The following AGAP1 variants were observed in gnomAD, a reference collection of about 807,000 sequenced individuals.
AGAP1 encodes the protein arf-GAP with GTPase, ANK repeat and PH domain-containing protein 1.
AGAP1 carries 29 observed loss-of-function variants against 105.3 expected under a neutral mutation model. The observed-to-expected ratio is 0.28, with a 90% CI of 0.21 to 0.38. The LOEUF (loss-of-function observed/expected upper bound fraction) is 0.38. AGAP1 is among the 10% of genes least tolerant of loss of function. The pLI, the probability that AGAP1 is intolerant of heterozygous loss-of-function variation, is 1.00. For synonymous variants in AGAP1, 509 were observed against 485.9 expected (o/e 1.05, Z -0.63); for missense variants, 998 against 1,165.1 (o/e 0.86, Z 2.09).
chr2:236,108,822 T>A (rs535328898), intron 16 of AGAP1, among the ~76,000 whole-genome samples: 5 of 151,962 alleles, frequency 3.3e-5, no homozygotes, highest in African/African-American at 1.2e-4. Context: ...CTGTGAGGAC[T>A]GAGGTGGACG....
In AGAP1 at chr2:236,123,675, A is replaced by G. The variant is rs76042521; in HGVS notation, c.2371-244A>G. 1.3e-5 allele frequency among the ~76,000 whole-genome samples: 2 copies of G among 152,112 alleles called. No homozygotes were observed. Among genetic ancestry groups the G allele is most frequent in the African/African-American group, 2.4e-5 (1 of 41,430 alleles). ...AAACTAAAGTTATCTTTGATTCCTT[A>G]ATGTTGCACAAAGGAGGGGCTTTCA... On this transcript the variant is annotated intron_variant, in intron 17 of 17. Transcript: ENST00000304032. The surrounding 1 kb of genome is among the most constrained non-coding windows in gnomAD (Gnocchi z 4.6).
chr2:235,670,692 C>A (rs1948355450), intron 1 of AGAP1: 3 of 715,674 alleles, frequency 4.2e-6, no homozygotes, highest in African/African-American at 1.9e-5. Flanking sequence ...CTGGAGCCCG[C>A]GACCGCCACG....
At chr2:235,835,567 A>T (rs971272415) in intron 9 of AGAP1, among the ~76,000 whole-genome samples, 1 of 152,174 alleles carries the variant, frequency 6.6e-6, no homozygotes, top group African/African-American at 2.4e-5. Flanking sequence ...CACTTTGTCC[A>T]TTACTTTGTT....
In AGAP1 at chr2:236,098,620, CTT is replaced by C. The variant is rs34419216; in HGVS notation, c.2115-21554_2115-21553del. The stretch of plus-strand genomic sequence containing the variant: ...GCTGACTTGATGAAATCTTTTTTTC[CTT>C]TTTTTTTTTTTTTTTTTAGAGAAAC... On this transcript the variant is annotated intron_variant, in intron 16 of 17. Coordinates refer to ENST00000304032, the MANE Select transcript of AGAP1 (RefSeq NM_001037131.3). 5.7e-3 allele frequency among the ~76,000 whole-genome samples: 656 copies of C among 115,220 alleles called. 6 individuals carry two copies. The highest frequency in any genetic ancestry group is 0.031 in the South Asian group (113 of 3,636). 75.6% of individuals were successfully genotyped at this position (115,220 alleles called of 152,430 possible).
intron 11 of AGAP1, among the ~76,000 whole-genome samples, chr2:235,912,565 C>G (rs940066351): frequency 1.3e-5 from 2 of 152,094 alleles, no homozygotes; most frequent in African/African-American, 4.8e-5. Context: ...CCTTCTCTTC[C>G]CGTAACTTGC....
intron 12 of AGAP1, among the ~76,000 whole-genome samples, chr2:235,941,456 A>G (rs2053254364): frequency 6.6e-6 from 1 of 152,232 alleles, no homozygotes; most frequent in Non-Finnish European, 1.5e-5. Context: ...TAGGTACAAA[A>G]GAAGAATCGA....
At chr2:236,054,205 C>T (rs1221648755) in intron 16 of AGAP1, among the ~76,000 whole-genome samples, 1 of 152,130 alleles carries the variant, frequency 6.6e-6, no homozygotes, top group Non-Finnish European at 1.5e-5. Flanking sequence ...AATTGGATCC[C>T]TACAGCTAAC....
At chr2:235,796,836 C>T (rs905495102) in intron 6 of AGAP1, among the ~76,000 whole-genome samples, 2 of 152,188 alleles carry the variant, frequency 1.3e-5, no homozygotes, top group Admixed American at 6.5e-5. Flanking sequence ...TCCCCAAAGA[C>T]ACACATCTAT....
chr2:235,919,576 G>A lies in AGAP1; in HGVS notation c.1324+10670G>A, dbSNP rs983880661. On this transcript the variant is annotated intron_variant, in intron 11 of 17. Coordinates refer to ENST00000304032, the MANE Select transcript of AGAP1 (RefSeq NM_001037131.3). The surrounding 1 kb of genome is among the most constrained non-coding windows in gnomAD (Gnocchi z 4.1). ...TAAGAACTGGAAAGCAGAGAAAGAAGTAGTAGTGAATACTTCTCAGGATAG... is the reference window on the plus strand; with the variant it reads ...TAAGAACTGGAAAGCAGAGAAAGAAATAGTAGTGAATACTTCTCAGGATAG... Among the ~76,000 whole-genome samples, 13 of 152,298 alleles carry A rather than the reference G, an allele frequency of 8.5e-5. No individual in the cohort carries two copies. The East Asian group carries it at 2.5e-3, about 29-fold the overall frequency.
At chr2:235,808,742 C>T (rs542761599) in intron 9 of AGAP1, among the ~76,000 whole-genome samples, 113 of 152,276 alleles carry the variant, frequency 7.4e-4, no homozygotes, top group African/African-American at 2.6e-3. Flanking sequence ...TCTACTGGGC[C>T]GCAAATATAT....
intron 11 of AGAP1, among the ~76,000 whole-genome samples, chr2:235,923,332 C>T (rs1575789105): frequency 6.6e-6 from 1 of 152,156 alleles, no homozygotes; most frequent in African/African-American, 2.4e-5. Flanking sequence ...CCTGACCTGA[C>T]CTCTGCATTC....
Position 236,120,548 on chromosome 2 carries a change from C to T in AGAP1, c.2370+101C>T, listed in dbSNP as rs1035695046. On this transcript the variant is annotated intron_variant, in intron 17 of 17. Transcript: ENST00000304032. The surrounding 1 kb of genome is among the most constrained non-coding windows in gnomAD (Gnocchi z 6.0). ...CTTTCTGGCAGAAGGCTGTTGTTCTCGATCTGCAAGTGGAAACAGTTCCTA... is the reference window on the plus strand; with the variant it reads ...CTTTCTGGCAGAAGGCTGTTGTTCTTGATCTGCAAGTGGAAACAGTTCCTA... The T allele has an allele frequency of 1.7e-5, 27 of 1,549,472 alleles. No individual in the cohort carries two copies. The highest frequency in any genetic ancestry group is 7.8e-5 in the Admixed American group (4 of 51,590).
At chr2:235,606,239 C>T (rs1025529678) in intron 1 of AGAP1, among the ~76,000 whole-genome samples, 2 of 152,166 alleles carry the variant, frequency 1.3e-5, no homozygotes, top group African/African-American at 2.4e-5. Context: ...CCTTTTTTAA[C>T]CCCTTGGTGA....
rs3834112 is a variant in AGAP1 at position 235,723,765 on chromosome 2, C to CGTTG, written c.310+6156_310+6159dup. Among the ~76,000 whole-genome samples, 66,410 of 149,842 alleles carry CGTTG rather than the reference C, an allele frequency of 0.44. 14,911 individuals are homozygous for CGTTG. The highest frequency in any genetic ancestry group is 0.51 in the Admixed American group (7,618 of 15,036). Reference sequence around the variant, plus strand: ...ATATGGATTGAGTGGGAGCTTTTATCGTTGGTTGGTTGGTTGGTTGGTTGG... The same window carrying CGTTG: ...ATATGGATTGAGTGGGAGCTTTTATCGTTGGTTGGTTGGTTGGTTGGTTGGTTGG... On this transcript the variant is annotated intron_variant, in intron 3 of 17. Transcript: ENST00000304032. The surrounding 1 kb of genome is among the most constrained non-coding windows in gnomAD (Gnocchi z 6.2).
In AGAP1 at chr2:235,905,538, C is replaced by A. The variant is rs186813206; in HGVS notation, c.1156-3200C>A. 1.2e-4 allele frequency among the ~76,000 whole-genome samples: 18 copies of A among 152,272 alleles called. No homozygotes were observed. The highest frequency in any genetic ancestry group is 4.1e-4 in the African/African-American group (17 of 41,556). On this transcript the variant is annotated intron_variant, in intron 10 of 17. Coordinates refer to ENST00000304032, the MANE Select transcript of AGAP1 (RefSeq NM_001037131.3). The surrounding 1 kb of genome is among the most constrained non-coding windows in gnomAD (Gnocchi z 4.2). The stretch of plus-strand genomic sequence containing the variant: ...TTTTGAGACAGAGTTTCCCTCTTGT[C>A]GCTTAGGCTGGAGTGCAATGGCATG...
In AGAP1 at chr2:235,613,493, C is replaced by G. The variant is rs889958074; in HGVS notation, c.164-95686C>G. On this transcript the variant is annotated intron_variant, in intron 1 of 17. Coordinates refer to ENST00000304032, the MANE Select transcript of AGAP1 (RefSeq NM_001037131.3). ...ATGAGAAGACTTATATCTTTTTGAG[C>G]AGAAACTGTGGATTCAGAAACCAAC... Among the ~76,000 whole-genome samples the G allele has an allele frequency of 2.0e-5, 3 of 152,136 alleles. No individual in the cohort carries two copies. In the South Asian group the frequency reaches 6.2e-4, roughly 32 times the overall value.
chr2:235,670,858 G>T, intron 1 of AGAP1: 2 of 1,390,224 alleles, frequency 1.4e-6, no homozygotes, highest in Non-Finnish European at 1.9e-6. Context: ...CGCGGGCGGC[G>T]GCCGGGGCCG....
At chr2:236,084,191 ATG>A (rs2058861791) in intron 16 of AGAP1, among the ~76,000 whole-genome samples, 1 of 149,528 alleles carries the variant, frequency 6.7e-6, no homozygotes, top group Non-Finnish European at 1.5e-5. Context: ...AGCTGTAATG[ATG>A]GTTCGCTTTA....
intron 1 of AGAP1, among the ~76,000 whole-genome samples, chr2:235,576,190 T>C (rs1944726902): frequency 6.6e-6 from 1 of 152,168 alleles, no homozygotes; most frequent in South Asian, 2.1e-4. Flanking sequence ...ACCCTGGGCC[T>C]CAGGTTCCCC....
Sources: allele counts gnomAD v4.1 joint callset (sites outside exome capture counted in the v4.1 genomes callset), GRCh38; gene constraint gnomAD v4.1.1; non-coding constraint Gnocchi (gnomAD v3.1); transcripts MANE v1.5; gene names NCBI Gene and HGNC (gene_info 2026-07-23, HGNC 2026-07-21).